SUGCT: variants seen among roughly 807,000 people sequenced by gnomAD.
The protein encoded by SUGCT is succinyl-CoA:glutarate-CoA transferase.
In SUGCT, 41 loss-of-function variants were observed where a neutral mutation model predicts 55.0. The observed-to-expected ratio is 0.74, with a 90% CI of 0.58 to 0.97. The LOEUF (loss-of-function observed/expected upper bound fraction) is 0.97. Ranked by LOEUF, SUGCT falls within the 50% of genes least tolerant of loss-of-function variation. The pLI, the probability that SUGCT is intolerant of heterozygous loss-of-function variation, is 0.00. For synonymous variants in SUGCT, 187 were observed against 200.4 expected (o/e 0.93, Z 0.56); for missense variants, 568 against 547.8 (o/e 1.04, Z -0.37).
chr7:40,824,471 A>G (rs1792209879), intron 13 of SUGCT, among the ~76,000 whole-genome samples: 1 of 152,172 alleles, frequency 6.6e-6, no homozygotes, highest in African/African-American at 2.4e-5. Flanking sequence ...TCTTAAAATG[A>G]TGGCTATGGT....
the SUGCT span, among the ~76,000 whole-genome samples, chr7:40,901,128 G>C: frequency 6.6e-6 from 1 of 152,174 alleles, no homozygotes; most frequent in Admixed American, 6.5e-5. Context: ...GTCCATTGTA[G>C]AGAAGATATT....
At position 40,249,343 on chromosome 7, in the gene SUGCT, AT is replaced by A. The variant is rs1562612305; in HGVS notation, c.576+11618del. ...TATATATATATATATATATATATAT[AT>A]ATAATTATATTATATAGAATATATT... On this transcript the variant is annotated intron_variant, in intron 7 of 13. Coordinates refer to ENST00000335693, the MANE Select transcript of SUGCT (RefSeq NM_001193313.2). Among the ~76,000 whole-genome samples, 58 of 124,096 alleles carry A rather than the reference AT, an allele frequency of 4.7e-4. 1 individual carries two copies. Among genetic ancestry groups the A allele is most frequent in the African/African-American group, 1.7e-3 (56 of 33,276 alleles). The allele number at this position is 124,096 out of a possible 152,430, so 81.4% of individuals were successfully genotyped here. A position where few individuals can be genotyped will look rare whatever the true frequency, so the allele number is the denominator to read the frequency against.
intron 12 of SUGCT, among the ~76,000 whole-genome samples, chr7:40,605,326 C>T (rs1220834608): frequency 1.3e-5 from 2 of 152,214 alleles, no homozygotes; most frequent in Non-Finnish European, 2.9e-5. Context: ...CCAAAGTGTA[C>T]GTCTTTATGT....
At chr7:40,663,976 A>T (rs1243561668) in intron 12 of SUGCT, among the ~76,000 whole-genome samples, 1 of 152,024 alleles carries the variant, frequency 6.6e-6, no homozygotes. Context: ...CACTGGGGGG[A>T]GGGCCTAATC....
intron 12 of SUGCT, among the ~76,000 whole-genome samples, chr7:40,602,344 G>C (rs1198711195): frequency 6.6e-6 from 1 of 152,180 alleles, no homozygotes; most frequent in Non-Finnish European, 1.5e-5. Context: ...GATCTGTCGG[G>C]GGGAAGAAGA....
chr7:40,415,437 A>G (rs923704264), intron 9 of SUGCT, among the ~76,000 whole-genome samples: 2 of 150,542 alleles, frequency 1.3e-5, no homozygotes, highest in Non-Finnish European at 3.0e-5. Flanking sequence ...TTTTTTACTA[A>G]TATGTAGAAA....
intron 12 of SUGCT, among the ~76,000 whole-genome samples, chr7:40,657,377 A>G (rs1422117379): frequency 6.6e-6 from 1 of 152,152 alleles, no homozygotes; most frequent in Non-Finnish European, 1.5e-5. Flanking sequence ...AATAATGTCA[A>G]TCGATGCTAG....
chr7:40,955,920 A>G, the SUGCT span, among the ~76,000 whole-genome samples: 4 of 152,028 alleles, frequency 2.6e-5, no homozygotes, highest in African/African-American at 9.7e-5. Flanking sequence ...TGTTTATGTG[A>G]TGGATTATGT....
intron 9 of SUGCT, among the ~76,000 whole-genome samples, chr7:40,333,167 A>G (rs1430735837): frequency 6.6e-6 from 1 of 152,178 alleles, no homozygotes; most frequent in African/African-American, 2.4e-5. Context: ...CTGCTGGGTT[A>G]GGAAATCTTT....
At chr7:40,540,630 T>C (rs1262177753) in intron 12 of SUGCT, among the ~76,000 whole-genome samples, 1 of 152,250 alleles carries the variant, frequency 6.6e-6, no homozygotes, top group Non-Finnish European at 1.5e-5. Context: ...GGCAGTTTTC[T>C]TACACCAGGC....
intron 6 of SUGCT, among the ~76,000 whole-genome samples, chr7:40,212,189 A>G (rs888383322): frequency 2.6e-5 from 4 of 151,314 alleles, no homozygotes; most frequent in Admixed American, 6.6e-5. Flanking sequence ...GGCTCAAGTG[A>G]TCCTTCCACC....
intron 6 of SUGCT, among the ~76,000 whole-genome samples, chr7:40,214,093 C>G (rs1470484114): frequency 6.6e-6 from 1 of 152,168 alleles, no homozygotes; most frequent in Non-Finnish European, 1.5e-5. Flanking sequence ...TTGAACCACA[C>G]TATTATCAAC....
chr7:40,324,252 A>ATATATATATATAT (rs1554311560), intron 9 of SUGCT, among the ~76,000 whole-genome samples: 38 of 117,608 alleles, frequency 3.2e-4, no homozygotes, highest in African/African-American at 1.3e-3. Context: ...TAAATAAATA[A>ATATATATATATAT]ATATATATAT....
chr7:40,501,410 G>A (rs747209350), intron 12 of SUGCT, among the ~76,000 whole-genome samples: 14 of 152,000 alleles, frequency 9.2e-5, no homozygotes, highest in Admixed American at 2.0e-4. Flanking sequence ...GAAAATTATC[G>A]TATTGCAAAA....
the SUGCT span, among the ~76,000 whole-genome samples, chr7:41,030,191 T>C: frequency 6.6e-6 from 1 of 152,232 alleles, no homozygotes; most frequent in Non-Finnish European, 1.5e-5. Flanking sequence ...TTGTCAGTTA[T>C]GAATAAAACT....
chr7:40,952,011 C>T, the SUGCT span, among the ~76,000 whole-genome samples: 133,923 of 152,100 alleles, frequency 0.88, 59,082 homozygotes, highest in African/African-American at 0.93. Context: ...ATATCCTTGT[C>T]CATTTTCTGT....
At chr7:40,186,210 TCCCTCCTCTC>T (rs1479930274) in intron 3 of SUGCT, among the ~76,000 whole-genome samples, 2 of 115,398 alleles carry the variant, frequency 1.7e-5, no homozygotes, top group African/African-American at 6.5e-5. Context: ...CCCCTCCCCT[TCCCTCCTCTC>T]CCCTCCCCTC....
intron 12 of SUGCT, among the ~76,000 whole-genome samples, chr7:40,690,594 G>T (rs552885798): frequency 2.8e-4 from 43 of 151,898 alleles, no homozygotes; most frequent in African/African-American, 1.0e-3. Flanking sequence ...TTGAGACAAG[G>T]TGAAACTCTG....
At chr7:40,603,857 C>T (rs1438168730) in intron 12 of SUGCT, among the ~76,000 whole-genome samples, 1 of 152,164 alleles carries the variant, frequency 6.6e-6, no homozygotes, top group African/African-American at 2.4e-5. Context: ...ATGATCTTCC[C>T]AACATGCAAA....
Sources: allele counts gnomAD v4.1 joint callset (sites outside exome capture counted in the v4.1 genomes callset), GRCh38; gene constraint gnomAD v4.1.1; transcripts MANE v1.5; gene names NCBI Gene and HGNC (gene_info 2026-07-23, HGNC 2026-07-21).